Variants in CCDC85C observed in about 807,000 individuals in gnomAD.
The protein encoded by CCDC85C is coiled-coil domain containing 85C, also known as coiled-coil domain-containing protein 85C.
A neutral mutation model predicts 38.3 loss-of-function variants in CCDC85C; 18 were observed. That is an observed-to-expected ratio of 0.47 (90% CI 0.33 to 0.70). CCDC85C has a LOEUF of 0.70. Among genes scored for constraint, CCDC85C ranks in the 30% least tolerant of loss-of-function variants. The pLI is 0.03. For synonymous variants in CCDC85C, 264 were observed against 293.8 expected (o/e 0.90, Z 1.04); for missense variants, 566 against 621.2 (o/e 0.91, Z 0.94).
chr14:99,503,397 C>T lies in CCDC85C; in HGVS notation c.*11849G>A. The T allele has an allele frequency of 3.3e-6, 2 of 604,050 alleles. No individual in the cohort carries two copies. Among genetic ancestry groups the T allele is most frequent in the South Asian group, 4.0e-5 (2 of 49,880 alleles). The allele number at this position is 604,050 out of a possible 1,614,324, so 37.4% of individuals were successfully genotyped here. On this transcript the variant is annotated 3_prime_UTR_variant, in exon 6 of 6. Coordinates refer to ENST00000380243, the MANE Select transcript of CCDC85C (RefSeq NM_001144995.2). ...TCACCATTCAGGAAAGCTAGTCATT[C>T]TGTCTTATTTGGTAAATGGAAAGAG...
At chr14:99,568,095 G>A (rs1898254372) in intron 1 of CCDC85C, among the ~76,000 whole-genome samples, 1 of 152,078 alleles carries the variant, frequency 6.6e-6, no homozygotes, top group Non-Finnish European at 1.5e-5. Context: ...CCTTTAGGCA[G>A]AGAGGCAGGA....
rs377563231 is a variant in CCDC85C, at chr14:99,592,603, T to C, written c.793+10564A>G. Among the ~76,000 whole-genome samples the C allele has an allele frequency of 1.3e-3, 200 of 152,332 alleles. 2 individuals are homozygous for C. The highest frequency in any genetic ancestry group is 4.6e-3 in the African/African-American group (192 of 41,574). On this transcript the variant is annotated intron_variant, in intron 1 of 5. Coordinates refer to ENST00000380243, the MANE Select transcript of CCDC85C (RefSeq NM_001144995.2). ...GGAAGTTGAGATGAGAAGAGGCTGC[T>C]GGACAGAGCCAGAGCCACCATTCTC...
At chr14:99,581,057 G>A (rs1423807105) in intron 1 of CCDC85C, among the ~76,000 whole-genome samples, 9 of 152,152 alleles carry the variant, frequency 5.9e-5, no homozygotes, top group South Asian at 4.1e-4. Flanking sequence ...AGTGAGGGCT[G>A]GAGGAGACCA....
intron 1 of CCDC85C, among the ~76,000 whole-genome samples, chr14:99,543,843 C>T (rs1311693041): frequency 1.3e-5 from 2 of 152,042 alleles, no homozygotes; most frequent in African/African-American, 4.8e-5. Context: ...GAGAGGGCAT[C>T]GGGTTCCTGT....
rs148237264 is a variant in CCDC85C, at chr14:99,566,542, G to A, written c.794-30454C>T. ...TCACACTGACCTCCAGTGTGTGCAAGGTGCCAAGGTCCCTCGGCTCCCCCA... is the reference window on the plus strand; with the variant it reads ...TCACACTGACCTCCAGTGTGTGCAAAGTGCCAAGGTCCCTCGGCTCCCCCA... On this transcript the variant is annotated intron_variant, in intron 1 of 5. Coordinates refer to ENST00000380243, the MANE Select transcript of CCDC85C (RefSeq NM_001144995.2). Among the ~76,000 whole-genome samples, 545 of 152,252 alleles carry A rather than the reference G, an allele frequency of 3.6e-3. 3 individuals are homozygous for A. Among genetic ancestry groups the A allele is most frequent in the African/African-American group, 0.012 (517 of 41,540 alleles).
At position 99,561,737 on chromosome 14, in the gene CCDC85C, A is replaced by C. The variant is rs1024781953; in HGVS notation, c.794-25649T>G. On this transcript the variant is annotated intron_variant, in intron 1 of 5. Coordinates refer to ENST00000380243, the MANE Select transcript of CCDC85C (RefSeq NM_001144995.2). Reference sequence around the variant, plus strand: ...CCTGGAGAACCCACAAGCTCCAGGCACTGTGCCCAGCACACATGAAGCTGG... The same window carrying C: ...CCTGGAGAACCCACAAGCTCCAGGCCCTGTGCCCAGCACACATGAAGCTGG... Among the ~76,000 whole-genome samples the C allele has an allele frequency of 5.3e-5, 8 of 152,194 alleles. No homozygotes were observed. The South Asian group carries it at 6.2e-4, about 12-fold the overall frequency.
intron 1 of CCDC85C, among the ~76,000 whole-genome samples, chr14:99,601,228 G>A (rs1195763984): frequency 6.6e-6 from 1 of 152,140 alleles, no homozygotes. Context: ...CCAAAGCAAG[G>A]TTTGCTGCCA....
At position 99,535,522 on chromosome 14, in the gene CCDC85C, C is replaced by G. The variant is rs1487262662; in HGVS notation, c.867+493G>C. Among the ~76,000 whole-genome samples the G allele has an allele frequency of 6.6e-6, 1 of 152,142 alleles. No individual in the cohort carries two copies. The highest frequency in any genetic ancestry group is 6.5e-5 in the Admixed American group (1 of 15,286). On this transcript the variant is annotated intron_variant, in intron 2 of 5. Transcript: ENST00000380243. This position sits in a 1 kb window ranked among gnomAD's most constrained non-coding sequence, Gnocchi z 5.5. Reference sequence around the variant, plus strand: ...CCCCACCTCCCCCCTACAGCCAACCCCTCCCACGCCGTGCCCCTGCTGCCC... The same window carrying G: ...CCCCACCTCCCCCCTACAGCCAACCGCTCCCACGCCGTGCCCCTGCTGCCC...
chr14:99,560,234 C>T (rs1373117567), intron 1 of CCDC85C, among the ~76,000 whole-genome samples: 2 of 152,144 alleles, frequency 1.3e-5, no homozygotes, highest in African/African-American at 4.8e-5. Flanking sequence ...AGCCCTCATG[C>T]CTGCCTCATG....
At chr14:99,577,203 T>A (rs1898497169) in intron 1 of CCDC85C, among the ~76,000 whole-genome samples, 2 of 151,784 alleles carry the variant, frequency 1.3e-5, no homozygotes, top group African/African-American at 4.8e-5. Flanking sequence ...CGGTGCTTAA[T>A]AAACACACAC....
At chr14:99,552,085 G>A (rs12882990) in intron 1 of CCDC85C, among the ~76,000 whole-genome samples, 1 of 152,058 alleles carries the variant, frequency 6.6e-6, no homozygotes, top group African/African-American at 2.4e-5. Context: ...GCACTAACCC[G>A]GAACCTGGGG....
intron 1 of CCDC85C, among the ~76,000 whole-genome samples, chr14:99,577,605 G>C (rs1898508985): frequency 6.6e-6 from 1 of 152,080 alleles, no homozygotes; most frequent in Non-Finnish European, 1.5e-5. Flanking sequence ...GGGAAGGAGT[G>C]AAGTGTGTGT....
intron 2 of CCDC85C, among the ~76,000 whole-genome samples, chr14:99,524,501 C>T (rs1279185040): frequency 3.3e-5 from 5 of 152,134 alleles, no homozygotes; most frequent in Non-Finnish European, 7.3e-5. Flanking sequence ...ATTAGCTGCA[C>T]GCAATTCCCA....
intron 1 of CCDC85C, among the ~76,000 whole-genome samples, chr14:99,567,284 C>T (rs1186888302): frequency 6.6e-6 from 1 of 152,120 alleles, no homozygotes; most frequent in Non-Finnish European, 1.5e-5. Context: ...AGGATGTGGC[C>T]GCACAGAACA....
In CCDC85C at chr14:99,603,381, G is replaced by T; in HGVS notation, c.579C>A (p.Gly193=). ...QASLSGPLSG[G]APGAGARDVG... is the part of the protein sequence containing the mutation. ...CGTCGCGGGCCCCCGCGCCGGGCGC[G>T]CCACCCGACAGCGGCCCGCTCAGGC... Residue 193 remains glycine, a synonymous_variant, in exon 1 of 6, where the codon GGC becomes GGA. Coordinates refer to ENST00000380243, the MANE Select transcript of CCDC85C (RefSeq NM_001144995.2). The surrounding 1 kb of genome is among the most constrained non-coding windows in gnomAD (Gnocchi z 7.5). 8.0e-7 allele frequency: 1 copy of T among 1,248,192 alleles called. No homozygotes were observed. Among genetic ancestry groups the T allele is most frequent in the South Asian group, 3.0e-5 (1 of 32,908 alleles). 77.3% of individuals were successfully genotyped at this position (1,248,192 alleles called of 1,614,324 possible).
intron 1 of CCDC85C, among the ~76,000 whole-genome samples, chr14:99,551,542 TG>T (rs2139937631): frequency 6.8e-6 from 1 of 146,700 alleles, no homozygotes; most frequent in East Asian, 2.0e-4. Context: ...TGCAGGTGGG[TG>T]GGCAGGTGAG....
chr14:99,537,784 A>G (rs78650112), intron 1 of CCDC85C, among the ~76,000 whole-genome samples: 12,680 of 152,092 alleles, frequency 0.083, 1,798 homozygotes, highest in African/African-American at 0.29. Flanking sequence ...TCATTACTCT[A>G]TCAACCCCGA....
chr14:99,506,630 A>G lies in CCDC85C; in HGVS notation c.*8616T>C, dbSNP rs1478348602. ...GTATTTGGGAAAGAGAGAATAAACT[A>G]TGTCTAAGAATGAAAAGATAGAGAT... On this transcript the variant is annotated 3_prime_UTR_variant, in exon 6 of 6. Transcript: ENST00000380243. 6.1e-6 allele frequency: 1 copy of G among 162,678 alleles called. No homozygotes were observed. The highest frequency in any genetic ancestry group is 2.4e-5 in the African/African-American group (1 of 41,582). The allele number at this position is 162,678 out of a possible 1,614,324, so 10.1% of individuals were successfully genotyped here.
At chr14:99,553,190 G>A (rs1897945952) in intron 1 of CCDC85C, among the ~76,000 whole-genome samples, 1 of 152,152 alleles carries the variant, frequency 6.6e-6, no homozygotes, top group Admixed American at 6.5e-5. Flanking sequence ...CCCCCTCACT[G>A]AGCCGCCGAG....
Sources: allele counts gnomAD v4.1 joint callset (sites outside exome capture counted in the v4.1 genomes callset), GRCh38; gene constraint gnomAD v4.1.1; non-coding constraint Gnocchi (gnomAD v3.1); transcripts MANE v1.5; gene names NCBI Gene and HGNC (gene_info 2026-07-23, HGNC 2026-07-21).